Variants in GALNT2 observed in about 807,000 individuals in gnomAD.
The protein encoded by GALNT2 is polypeptide N-acetylgalactosaminyltransferase 2.
In GALNT2, 31 loss-of-function variants were observed where a neutral mutation model predicts 81.4. That is an observed-to-expected ratio of 0.38 (90% CI 0.29 to 0.51). The LOEUF is 0.51. Among genes scored for constraint, GALNT2 ranks in the 20% least tolerant of loss-of-function variants. The probability of loss-of-function intolerance (pLI) is 0.87; values close to 1 mark genes in which losing one functional copy is unlikely to be tolerated. For missense variants in GALNT2, 629 were observed against 765.7 expected (o/e 0.82, Z 2.11); for synonymous variants, 303 against 287.4 (o/e 1.05, Z -0.55).
chr1:230,104,576 C>T (rs1160910287), intron 1 of GALNT2, among the ~76,000 whole-genome samples: 3 of 152,204 alleles, frequency 2.0e-5, no homozygotes, highest in Admixed American at 2.0e-4. Context: ...GGAGCTGCTT[C>T]GTGATGGCCG....
intron 1 of GALNT2, among the ~76,000 whole-genome samples, chr1:230,067,809 G>A (rs899537436): frequency 2.0e-5 from 3 of 152,230 alleles, no homozygotes; most frequent in Non-Finnish European, 2.9e-5. Flanking sequence ...TGTACAGCAG[G>A]AGAGAGGAGT....
intron 1 of GALNT2, among the ~76,000 whole-genome samples, chr1:230,069,437 C>T (rs1659308618): frequency 6.6e-6 from 1 of 151,906 alleles, no homozygotes; most frequent in East Asian, 1.9e-4. Flanking sequence ...TTAATGCTAC[C>T]CCTTAGGATG....
intron 3 of GALNT2, among the ~76,000 whole-genome samples, chr1:230,211,137 G>A (rs950850978): frequency 8.5e-5 from 13 of 152,198 alleles, no homozygotes; most frequent in Admixed American, 6.5e-4. Context: ...AGCTCGCGGC[G>A]TCTCATAAAC....
intron 3 of GALNT2, among the ~76,000 whole-genome samples, chr1:230,214,330 T>C (rs1020720745): frequency 6.6e-6 from 1 of 152,212 alleles, no homozygotes; most frequent in African/African-American, 2.4e-5. Context: ...CAGGCCGGTC[T>C]TGAACTCCTG....
intron 1 of GALNT2, among the ~76,000 whole-genome samples, chr1:230,121,948 C>T (rs974189597): frequency 8.7e-5 from 9 of 104,006 alleles, no homozygotes; most frequent in Admixed American, 2.3e-4. Flanking sequence ...TACTGTTATG[C>T]TTTTTTTTTT....
intron 1 of GALNT2, among the ~76,000 whole-genome samples, chr1:230,104,737 C>T (rs1376683287): frequency 3.3e-5 from 5 of 152,238 alleles, no homozygotes; most frequent in Admixed American, 6.5e-5. Context: ...CGTTCCTTCC[C>T]TGGATCTCAG....
chr1:230,115,644 C>G (rs1341890916), intron 1 of GALNT2, among the ~76,000 whole-genome samples: 2 of 152,108 alleles, frequency 1.3e-5, no homozygotes, highest in Non-Finnish European at 2.9e-5. Flanking sequence ...GAGGTGGTGG[C>G]TGCGACAGTT....
intron 1 of GALNT2, among the ~76,000 whole-genome samples, chr1:230,093,714 AT>A (rs1358726604): frequency 6.6e-6 from 1 of 152,146 alleles, no homozygotes; most frequent in Non-Finnish European, 1.5e-5. Flanking sequence ...TATATACTGT[AT>A]TTTTACTGTA....
chr1:230,179,977 TGGTGAAATCTCA>T lies in GALNT2; in HGVS notation c.220+1668_220+1679del, dbSNP rs1558126924. 3.3e-5 allele frequency among the ~76,000 whole-genome samples: 5 copies of T among 152,356 alleles called. 1 individual carries two copies. The highest frequency in any genetic ancestry group is 1.2e-4 in the African/African-American group (5 of 41,584). On this transcript the variant is annotated intron_variant, in intron 2 of 15. Transcript: ENST00000366672. ...CTCTGTTGCCCAAGCTGGAGTGCAG[TGGTGAAATCTCA>T]GCTCATTGCAACCTCCACCTCCCAG... is the stretch of plus-strand genomic sequence containing the variant.
chr1:230,086,880 C>T (rs1377045274), intron 1 of GALNT2, among the ~76,000 whole-genome samples: 1 of 152,096 alleles, frequency 6.6e-6, no homozygotes, highest in Non-Finnish European at 1.5e-5. Context: ...AGGTGTCAGC[C>T]CTGCCACTTA....
At chr1:230,210,525 C>T (rs948776983) in intron 3 of GALNT2, among the ~76,000 whole-genome samples, 2 of 152,212 alleles carry the variant, frequency 1.3e-5, no homozygotes, top group African/African-American at 4.8e-5. Context: ...CTGCCTGAAC[C>T]ATTTCCCTAC....
intron 6 of GALNT2, among the ~76,000 whole-genome samples, chr1:230,237,891 T>C (rs558621566): frequency 1.4e-4 from 22 of 152,196 alleles, no homozygotes; most frequent in African/African-American, 5.3e-4. Context: ...GAGATAGTGT[T>C]GGCACTGTAA....
At chr1:230,189,574 A>T (rs1288947637) in intron 2 of GALNT2, among the ~76,000 whole-genome samples, 1 of 152,166 alleles carries the variant, frequency 6.6e-6, no homozygotes, top group Non-Finnish European at 1.5e-5. Flanking sequence ...ATCAGAGAGG[A>T]GTGTTCCCCG....
intron 3 of GALNT2, among the ~76,000 whole-genome samples, chr1:230,218,439 T>TAA (rs1664452392): frequency 6.6e-6 from 1 of 152,146 alleles, no homozygotes; most frequent in East Asian, 1.9e-4. Context: ...TGATATAAGT[T>TAA]AAGGGTGATG....
At chr1:230,224,672 C>T (rs892397600) in intron 3 of GALNT2, among the ~76,000 whole-genome samples, 1 of 152,184 alleles carries the variant, frequency 6.6e-6, no homozygotes, top group African/African-American at 2.4e-5. Flanking sequence ...TTTCTGTGGC[C>T]GGTGCCGAAG....
chr1:230,105,759 G>A (rs747848048), intron 1 of GALNT2, among the ~76,000 whole-genome samples: 1 of 152,140 alleles, frequency 6.6e-6, no homozygotes, highest in Admixed American at 6.5e-5. Context: ...TGTCCTGTTG[G>A]CTCATAAGCA....
At chr1:230,248,199 G>A (rs1373776705) in intron 8 of GALNT2, among the ~76,000 whole-genome samples, 3 of 152,204 alleles carry the variant, frequency 2.0e-5, no homozygotes, top group African/African-American at 2.4e-5. Flanking sequence ...TCAGTCACTG[G>A]GGCTGTCAGG....
At chr1:230,246,419 G>A (rs546885991) in intron 8 of GALNT2, among the ~76,000 whole-genome samples, 193 of 152,338 alleles carry the variant, frequency 1.3e-3, no homozygotes, top group Non-Finnish European at 2.2e-3. Flanking sequence ...TCCATGAACA[G>A]ATATGGCGTC....
chr1:230,100,309 C>A (rs1017982713), intron 1 of GALNT2, among the ~76,000 whole-genome samples: 9 of 112,126 alleles, frequency 8.0e-5, no homozygotes, highest in Non-Finnish European at 1.4e-4. Flanking sequence ...TCTTTTTATT[C>A]CTTTTTTTTT....
Sources: gnomAD v4.1 joint callset for allele counts (sites outside exome capture counted in the v4.1 genomes callset) on GRCh38, gnomAD v4.1.1 for gene constraint, MANE v1.5 for transcripts, NCBI Gene and HGNC (gene_info 2026-07-23, HGNC 2026-07-21) for gene names.